The following PACSIN1 variants were observed in gnomAD, a reference collection of about 807,000 sequenced individuals.
The protein encoded by PACSIN1 is protein kinase C and casein kinase substrate in neurons 1, also known as protein kinase C and casein kinase substrate in neurons protein 1.
Under a neutral mutation model 59.5 loss-of-function variants are expected in PACSIN1, and 15 were observed. The ratio of observed to expected loss-of-function variants is 0.25; its 90% CI spans 0.17 to 0.39. PACSIN1 has a LOEUF of 0.39. Ranked by LOEUF, PACSIN1 falls within the 10% of genes least tolerant of loss-of-function variation. PACSIN1 has a pLI of 1.00. For missense variants in PACSIN1, 420 were observed against 580.2 expected (o/e 0.72, Z 2.84); for synonymous variants, 210 against 220.6 (o/e 0.95, Z 0.42).
In PACSIN1 at chr6:34,532,687, G is replaced by A. The variant is rs1001328045; in HGVS notation, c.*157G>A. The A allele has an allele frequency of 1.6e-6, 1 of 606,886 alleles. No individual in the cohort carries two copies. The highest frequency in any genetic ancestry group is 3.1e-5 in the Admixed American group (1 of 32,474). 37.6% of individuals were successfully genotyped at this position (606,886 alleles called of 1,614,324 possible). Reference sequence around the variant, plus strand: ...AACAGAACAAAACAAAGTATGCAGAGACAGAGCATTTGCAGGGCCACCTGG... The same window carrying A: ...AACAGAACAAAACAAAGTATGCAGAAACAGAGCATTTGCAGGGCCACCTGG... On this transcript the variant is annotated 3_prime_UTR_variant, in exon 10 of 10. Transcript: ENST00000244458. The surrounding 1 kb of genome is among the most constrained non-coding windows in gnomAD (Gnocchi z 5.2).
At chr6:34,498,643 C>A (rs1391484562) in intron 1 of PACSIN1, among the ~76,000 whole-genome samples, 1 of 151,532 alleles carries the variant, frequency 6.6e-6, no homozygotes, top group Non-Finnish European at 1.5e-5. Flanking sequence ...ACTAAATACA[C>A]AAAAAAATTA....
At chr6:34,520,372 T>C (rs1767367962) in intron 1 of PACSIN1, among the ~76,000 whole-genome samples, 1 of 152,126 alleles carries the variant, frequency 6.6e-6, no homozygotes, top group African/African-American at 2.4e-5. Flanking sequence ...GGTTTCCCCA[T>C]GTCCCTGTCC....
At chr6:34,475,609 G>C (rs1766628371) in intron 1 of PACSIN1, among the ~76,000 whole-genome samples, 1 of 152,182 alleles carries the variant, frequency 6.6e-6, no homozygotes. Flanking sequence ...GAAGGGCCTA[G>C]CCTCCCCCTG....
intron 1 of PACSIN1, among the ~76,000 whole-genome samples, chr6:34,513,188 A>C (rs1196214696): frequency 1.3e-5 from 2 of 152,204 alleles, no homozygotes; most frequent in Admixed American, 1.3e-4. Flanking sequence ...TTTTTCTCTT[A>C]TCTCTTGGCA....
intron 1 of PACSIN1, among the ~76,000 whole-genome samples, chr6:34,492,922 T>C (rs1311978224): frequency 6.6e-6 from 1 of 152,194 alleles, no homozygotes; most frequent in African/African-American, 2.4e-5. Context: ...TACTCCTGTA[T>C]CTAAAATAAA....
chr6:34,467,553 C>CTTTTTT (rs61324041), intron 1 of PACSIN1, among the ~76,000 whole-genome samples: 28 of 90,796 alleles, frequency 3.1e-4, no homozygotes, highest in South Asian at 4.8e-4. Context: ...TAGGCCCTTC[C>CTTTTTT]TTTTTTTTTT....
At chr6:34,469,170 C>T (rs983358779) in intron 1 of PACSIN1, among the ~76,000 whole-genome samples, 10 of 151,520 alleles carry the variant, frequency 6.6e-5, no homozygotes, top group Non-Finnish European at 8.8e-5. Context: ...GGTTGGGGGA[C>T]GAGTGGGTAT....
rs1290627842 is a variant in PACSIN1, at chr6:34,531,073, A to G, written c.1037+486A>G. Among the ~76,000 whole-genome samples, 1 of 152,214 alleles carries G rather than the reference A, an allele frequency of 6.6e-6. No homozygotes were observed. The highest frequency in any genetic ancestry group is 2.4e-5 in the African/African-American group (1 of 41,454). ...GGTTGGGGACCCCGGTCCAGATCAC[A>G]GGAACCAAGCCTCCTCTCTAAAAGA... is the stretch of plus-strand genomic sequence containing the variant. On this transcript the variant is annotated intron_variant, in intron 8 of 9. Transcript: ENST00000244458. The surrounding 1 kb of genome is among the most constrained non-coding windows in gnomAD (Gnocchi z 4.4).
At position 34,472,203 on chromosome 6, in the gene PACSIN1, C is replaced by T. The variant is rs556399332; in HGVS notation, c.-64+5933C>T. 5.6e-3 allele frequency among the ~76,000 whole-genome samples: 725 copies of T among 129,582 alleles called. 6 individuals carry two copies. Among genetic ancestry groups the T allele is most frequent in the African/African-American group, 0.014 (477 of 34,324 alleles). 85.0% of individuals were successfully genotyped at this position (129,582 alleles called of 152,430 possible). ...AGGAGAATCGCTTGAGCCCAGGAGG[C>T]GGAGGTTGAAGTGAGCCGAGATCGG... is the stretch of plus-strand genomic sequence containing the variant. On this transcript the variant is annotated intron_variant, in intron 1 of 9. Coordinates refer to ENST00000244458, the MANE Select transcript of PACSIN1 (RefSeq NM_020804.5).
At chr6:34,471,551 A>G (rs1766571155) in intron 1 of PACSIN1, among the ~76,000 whole-genome samples, 1 of 152,160 alleles carries the variant, frequency 6.6e-6, no homozygotes, top group African/African-American at 2.4e-5. Flanking sequence ...ACAAAGGGAG[A>G]TGTGGTGATC....
In PACSIN1 at chr6:34,488,920, C is replaced by G. The variant is rs1766830850; in HGVS notation, c.-64+22650C>G. ...TATTGGCTGTGCGCAGTGGCTCACA[C>G]CCGTAATCCTAATACTTTGGGAGGC... On this transcript the variant is annotated intron_variant, in intron 1 of 9. Transcript: ENST00000244458. This position sits in a 1 kb window ranked among gnomAD's most constrained non-coding sequence, Gnocchi z 4.7. 6.6e-6 allele frequency among the ~76,000 whole-genome samples: 1 copy of G among 152,066 alleles called. No individual in the cohort carries two copies. Among genetic ancestry groups the G allele is most frequent in the Admixed American group, 6.6e-5 (1 of 15,254 alleles).
At chr6:34,508,316 G>T (rs948341489) in intron 1 of PACSIN1, among the ~76,000 whole-genome samples, 13 of 152,184 alleles carry the variant, frequency 8.5e-5, no homozygotes, top group Admixed American at 3.9e-4. Context: ...TGTTGGCCAG[G>T]CTGTTCTCGA....
intron 1 of PACSIN1, among the ~76,000 whole-genome samples, chr6:34,524,188 A>C (rs930493756): frequency 6.6e-6 from 1 of 152,042 alleles, no homozygotes; most frequent in African/African-American, 2.4e-5. Flanking sequence ...CGAGGTAGAG[A>C]GTGGTCTCAG....
chr6:34,509,452 T>C (rs749004578), intron 1 of PACSIN1, among the ~76,000 whole-genome samples: 1 of 152,236 alleles, frequency 6.6e-6, no homozygotes, highest in African/African-American at 2.4e-5. Flanking sequence ...GACAGTACCA[T>C]GCTGTTTTAA....
At chr6:34,470,415 G>A (rs1262987658) in intron 1 of PACSIN1, among the ~76,000 whole-genome samples, 6 of 151,944 alleles carry the variant, frequency 3.9e-5, no homozygotes, top group African/African-American at 4.8e-5. Context: ...TCCTGACCTC[G>A]TGATCCACCC....
At position 34,489,696 on chromosome 6, in the gene PACSIN1, G is replaced by A. The variant is rs118126802; in HGVS notation, c.-64+23426G>A. Reference sequence around the variant, plus strand: ...TGGACTCCCTGTGAGCCGAAGCTGGGCCAGGACTCCACTCATCACCTGCCC... The same window carrying A: ...TGGACTCCCTGTGAGCCGAAGCTGGACCAGGACTCCACTCATCACCTGCCC... On this transcript the variant is annotated intron_variant, in intron 1 of 9. Coordinates refer to ENST00000244458, the MANE Select transcript of PACSIN1 (RefSeq NM_020804.5). Among the ~76,000 whole-genome samples the A allele has an allele frequency of 3.3e-5, 5 of 152,312 alleles. No homozygotes were observed. The East Asian group carries it at 9.6e-4, about 29-fold the overall frequency.
chr6:34,472,692 A>G (rs879559727), intron 1 of PACSIN1, among the ~76,000 whole-genome samples: 13 of 152,074 alleles, frequency 8.5e-5, no homozygotes, highest in African/African-American at 3.1e-4. Flanking sequence ...TCATGGGCTT[A>G]TATTCCCTCT....
At chr6:34,468,963 G>A (rs993516473) in intron 1 of PACSIN1, among the ~76,000 whole-genome samples, 3 of 152,154 alleles carry the variant, frequency 2.0e-5, no homozygotes, top group African/African-American at 2.4e-5. Flanking sequence ...TTTTGCATTC[G>A]TCTCCCATTA....
At chr6:34,526,840 A>G (rs2127273350) in intron 2 of PACSIN1, among the ~76,000 whole-genome samples, 1 of 152,208 alleles carries the variant, frequency 6.6e-6, no homozygotes, top group East Asian at 1.9e-4. Flanking sequence ...AGACCTGGAG[A>G]AAAAAAATTG....
Sources: allele counts gnomAD v4.1 joint callset (sites outside exome capture counted in the v4.1 genomes callset), GRCh38; gene constraint gnomAD v4.1.1; non-coding constraint Gnocchi (gnomAD v3.1); transcripts MANE v1.5; gene names NCBI Gene and HGNC (gene_info 2026-07-23, HGNC 2026-07-21).